The following PRKCE variants were observed in gnomAD, a reference collection of about 807,000 sequenced individuals.
PRKCE encodes the protein protein kinase C epsilon type.
A neutral mutation model predicts 85.4 loss-of-function variants in PRKCE; 16 were observed. The observed-to-expected ratio is 0.19, with a 90% CI of 0.13 to 0.28. The LOEUF (loss-of-function observed/expected upper bound fraction) is 0.28, where lower values mean the gene tolerates loss of function less well. PRKCE is among the 10% of genes least tolerant of loss of function. PRKCE has a pLI of 1.00. For synonymous variants in PRKCE, 388 were observed against 371.5 expected (o/e 1.04, Z -0.51); for missense variants, 573 against 975.2 (o/e 0.59, Z 5.49).
intron 1 of PRKCE, among the ~76,000 whole-genome samples, chr2:45,712,343 C>T (rs1041654590): frequency 2.6e-5 from 4 of 151,748 alleles, no homozygotes; most frequent in Middle Eastern, 6.8e-3. Context: ...TTAGTAGAGA[C>T]GAGGGTTCCC....
intron 11 of PRKCE, among the ~76,000 whole-genome samples, chr2:46,129,461 A>C (rs1172492559): frequency 6.6e-6 from 1 of 152,220 alleles, no homozygotes; most frequent in Non-Finnish European, 1.5e-5. Context: ...CGCTTTCCAC[A>C]CTAGGATATA....
chr2:46,063,118 G>A (rs1465856389), intron 10 of PRKCE, among the ~76,000 whole-genome samples: 1 of 152,206 alleles, frequency 6.6e-6, no homozygotes, highest in African/African-American at 2.4e-5. Context: ...AGAGGGCGAT[G>A]ATTGTTGGAA....
intron 1 of PRKCE, among the ~76,000 whole-genome samples, chr2:45,709,501 T>G (rs947484480): frequency 3.3e-5 from 5 of 152,248 alleles, no homozygotes; most frequent in Non-Finnish European, 7.3e-5. Context: ...CATGGATGTC[T>G]ATGAATGTGA....
intron 2 of PRKCE, among the ~76,000 whole-genome samples, chr2:45,927,403 T>C (rs1204015382): frequency 2.0e-5 from 3 of 152,230 alleles, no homozygotes; most frequent in Non-Finnish European, 4.4e-5. Context: ...GCAATCTTCC[T>C]ATGAAGCAGG....
At chr2:46,173,355 T>G (rs1243017568) in intron 14 of PRKCE, among the ~76,000 whole-genome samples, 1 of 152,210 alleles carries the variant, frequency 6.6e-6, no homozygotes, top group Non-Finnish European at 1.5e-5. Context: ...CTAAAATATT[T>G]ACTACCTGGC....
chr2:45,995,358 C>CTTCA (rs1704131628), intron 6 of PRKCE, among the ~76,000 whole-genome samples: 1 of 151,910 alleles, frequency 6.6e-6, no homozygotes, highest in Non-Finnish European at 1.5e-5. Context: ...TGAAGTTCAG[C>CTTCA]TTATCAGCTC....
chr2:46,048,713 C>G (rs1449424789), intron 10 of PRKCE, among the ~76,000 whole-genome samples: 7 of 152,188 alleles, frequency 4.6e-5, no homozygotes, highest in Non-Finnish European at 1.0e-4. Flanking sequence ...GAACCAGTGT[C>G]TGACAGGTGA....
chr2:45,727,141 G>A (rs1360487639), intron 1 of PRKCE, among the ~76,000 whole-genome samples: 1 of 152,132 alleles, frequency 6.6e-6, no homozygotes, highest in Non-Finnish European at 1.5e-5. Flanking sequence ...TTTATGTGAT[G>A]GGGCAGAGTT....
intron 10 of PRKCE, among the ~76,000 whole-genome samples, chr2:46,056,496 T>C (rs1666595632): frequency 6.6e-6 from 1 of 152,218 alleles, no homozygotes; most frequent in Non-Finnish European, 1.5e-5. Flanking sequence ...GTATGGTACT[T>C]TCCCCAAATC....
chr2:45,708,127 A>G (rs1457963989), intron 1 of PRKCE, among the ~76,000 whole-genome samples: 1 of 152,114 alleles, frequency 6.6e-6, no homozygotes, highest in Non-Finnish European at 1.5e-5. Context: ...CTCCCTACGC[A>G]TCATAGGTTG....
intron 1 of PRKCE, among the ~76,000 whole-genome samples, chr2:45,815,342 A>G (rs1043744850): frequency 2.0e-5 from 3 of 152,242 alleles, no homozygotes; most frequent in African/African-American, 4.8e-5. Flanking sequence ...TGTAGCAGGC[A>G]GTGATGCCAG....
intron 1 of PRKCE, among the ~76,000 whole-genome samples, chr2:45,819,024 G>A (rs1293942889): frequency 6.6e-6 from 1 of 152,174 alleles, no homozygotes; most frequent in African/African-American, 2.4e-5. Flanking sequence ...AGCCTCCTGA[G>A]ACAGGAAGCT....
At chr2:46,082,530 G>T (rs1232720105) in intron 10 of PRKCE, among the ~76,000 whole-genome samples, 2 of 152,120 alleles carry the variant, frequency 1.3e-5, no homozygotes, top group Non-Finnish European at 2.9e-5. Flanking sequence ...TGTCAGAACC[G>T]CAGTTGGATG....
intron 1 of PRKCE, among the ~76,000 whole-genome samples, chr2:45,829,423 T>G (rs1690218659): frequency 6.6e-6 from 1 of 152,212 alleles, no homozygotes; most frequent in Admixed American, 6.5e-5. Context: ...GGTTTGGTTT[T>G]GCCTGCTTAA....
At chr2:45,822,062 G>A (rs1344760199) in intron 1 of PRKCE, among the ~76,000 whole-genome samples, 1 of 152,158 alleles carries the variant, frequency 6.6e-6, no homozygotes, top group Non-Finnish European at 1.5e-5. Flanking sequence ...GGAGAGCAGG[G>A]TGCAGAATGT....
intron 1 of PRKCE, among the ~76,000 whole-genome samples, chr2:45,808,531 G>C (rs1029853196): frequency 6.6e-6 from 1 of 152,138 alleles, no homozygotes. Flanking sequence ...TTTGTGTACC[G>C]TCTGGAGAAT....
intron 11 of PRKCE, among the ~76,000 whole-genome samples, chr2:46,091,692 G>A (rs1670184762): frequency 6.6e-6 from 1 of 152,156 alleles, no homozygotes; most frequent in Non-Finnish European, 1.5e-5. Context: ...TTTCATGAGT[G>A]AATAGGTCTA....
chr2:45,913,455 G>C (rs931683253), intron 2 of PRKCE, among the ~76,000 whole-genome samples: 6 of 152,230 alleles, frequency 3.9e-5, no homozygotes, highest in Non-Finnish European at 8.8e-5. Context: ...CAGCCAGCAA[G>C]AGCGCTTGGC....
intron 2 of PRKCE, among the ~76,000 whole-genome samples, chr2:45,963,272 C>G (rs1030869991): frequency 6.6e-6 from 1 of 152,108 alleles, no homozygotes; most frequent in Non-Finnish European, 1.5e-5. Context: ...TAATTACCAG[C>G]TCAGACTGGG....
Sources: allele counts gnomAD v4.1 joint callset (sites outside exome capture counted in the v4.1 genomes callset), GRCh38; gene constraint gnomAD v4.1.1; transcripts MANE v1.5; gene names NCBI Gene and HGNC (gene_info 2026-07-23, HGNC 2026-07-21).